The following ACO2 variants were observed in gnomAD, a reference collection of about 807,000 sequenced individuals.
ACO2 encodes the protein aconitase 2.
In ACO2, 31 loss-of-function variants were observed where a neutral mutation model predicts 84.5. That is an observed-to-expected ratio of 0.37 (90% CI 0.28 to 0.50). The LOEUF (loss-of-function observed/expected upper bound fraction) is 0.50. ACO2 is among the 20% of genes least tolerant of loss of function. The probability of loss-of-function intolerance (pLI) is 0.97; values close to 1 mark genes in which losing one functional copy is unlikely to be tolerated. For missense variants in ACO2, 685 were observed against 1,029.3 expected, an observed-to-expected ratio of 0.67 and a Z score of 4.58; for synonymous variants, 414 against 412.7, an observed-to-expected ratio of 1.00 and a Z score of -0.04.
Position 41,524,912 on chromosome 22 carries a change from A to T in ACO2, c.1549A>T (p.Thr517Ser), listed in dbSNP as rs766008410. The T allele has an allele frequency of 2.0e-5, 32 of 1,614,064 alleles. No homozygotes were observed. Among genetic ancestry groups the T allele is most frequent in the Non-Finnish European group, 2.6e-5 (31 of 1,180,038 alleles). The change falls in exon 13 of 18, where the codon ACG (threonine) becomes TCG (serine). Residue 517 changes from threonine (T) to serine (S), a missense_variant. By Grantham distance (58) the Thr-to-Ser change is moderately conservative (BLOSUM62 1). Transcript: ENST00000216254. Reference protein sequence around the residue: ...FNPETDYLTGTDGKKFRLEAP... With the variant: ...FNPETDYLTGSDGKKFRLEAP... The stretch of plus-strand genomic sequence containing the variant: ...CCCAGAGACCGACTACCTGACGGGC[A>T]CGGATGGCAAGAAGTTCAGGCTGGA...
At chr22:41,517,495 C>A in intron 6 of ACO2, 32 bp from the exon 7 acceptor site, 2 of 1,595,388 alleles carry the variant, frequency 1.3e-6, no homozygotes, top group South Asian at 1.1e-5. Context: ...GCCCGGCCAC[C>A]AGCCAATGCC....
chr22:41,508,807 C>T (rs1171117882), intron 3 of ACO2, among the ~76,000 whole-genome samples: 1 of 152,226 alleles, frequency 6.6e-6, no homozygotes, highest in East Asian at 1.9e-4. Context: ...CTCTCCAGCC[C>T]CTGCAGTGGG....
rs2066546724 is a variant in ACO2, at chr22:41,523,722, G to A, written c.1371-108G>A. ...TGGCAGGGCCTCTTCATTTTCCCTC[G>A]GTAGGAGCTAGGCTGGGCTGCGCCA... On this transcript the variant is annotated intron_variant, in intron 11 of 17. Transcript: ENST00000216254. 3.9e-6 allele frequency: 4 copies of A among 1,017,114 alleles called. No individual in the cohort carries two copies. The South Asian group carries it at 4.0e-5, about 10-fold the overall frequency. 63.0% of individuals were successfully genotyped at this position (1,017,114 alleles called of 1,614,324 possible).
chr22:41,520,025 C>A, intron 8 of ACO2, 146 bp from the exon 9 acceptor site: 1 of 670,122 alleles, frequency 1.5e-6, no homozygotes, highest in Non-Finnish European at 2.6e-6. Context: ...GAGCCAACTG[C>A]TCAGTTCTTC....
intron 1 of ACO2, among the ~76,000 whole-genome samples, chr22:41,485,748 G>A (rs896740400): frequency 4.0e-5 from 6 of 151,750 alleles, no homozygotes; most frequent in African/African-American, 9.7e-5. Context: ...CGGCCCGCCC[G>A]GCTAATTTTT....
intron 1 of ACO2, among the ~76,000 whole-genome samples, chr22:41,492,611 T>G (rs1275167104): frequency 1.3e-5 from 2 of 152,098 alleles, no homozygotes; most frequent in African/African-American, 2.4e-5. Flanking sequence ...CCGTCTTTAC[T>G]AAAAATACAA....
chr22:41,500,348 G>A lies in ACO2; in HGVS notation c.173+486G>A, dbSNP rs547601218. On this transcript the variant is annotated intron_variant, in intron 2 of 17. Coordinates refer to ENST00000216254, the MANE Select transcript of ACO2 (RefSeq NM_001098.3). Reference sequence around the variant, plus strand: ...TTTATTTATATATATTTGAGGCAGAGTATATATATATTTATATATATAAAA... The same window carrying A: ...TTTATTTATATATATTTGAGGCAGAATATATATATATTTATATATATAAAA... 2.2e-3 allele frequency among the ~76,000 whole-genome samples: 316 copies of A among 146,508 alleles called. 1 individual carries two copies. The highest frequency in any genetic ancestry group is 3.6e-3 in the Non-Finnish European group (243 of 66,780).
chr22:41,507,687 C>T, intron 2 of ACO2, 104 bp from the exon 3 acceptor site: 1 of 1,482,384 alleles, frequency 6.7e-7, no homozygotes, highest in Non-Finnish European at 9.1e-7. Context: ...GACTCCCTGT[C>T]CCTGGCCACT....
chr22:41,517,481 C>T (rs1208759757), intron 6 of ACO2, 46 bp from the exon 7 acceptor site: 4 of 1,553,150 alleles, frequency 2.6e-6, no homozygotes, highest in Middle Eastern at 3.4e-4. Flanking sequence ...TGTGTGGGAC[C>T]CTGGCCCGGC....
chr22:41,527,404 C>T lies in ACO2; in HGVS notation c.2070C>T (p.Ser690=). 1.2e-6 allele frequency: 2 copies of T among 1,612,350 alleles called. No homozygotes were observed. The highest frequency in any genetic ancestry group is 2.2e-5 in the East Asian group (1 of 44,868). ...HLGGRAIITK[S]FARIHETNLK... ...GGGGCCGGGCCATCATCACCAAGAG[C>T]TTTGCCAGGATCCACGGTGAGCTGG... The change falls in exon 16 of 18, where the codon AGC becomes AGT. Residue 690 remains serine (S), a synonymous_variant. Coordinates refer to ENST00000216254, the MANE Select transcript of ACO2 (RefSeq NM_001098.3).
At chr22:41,469,690 G>T (rs2037918428) in intron 1 of ACO2, among the ~76,000 whole-genome samples, 1 of 152,166 alleles carries the variant, frequency 6.6e-6, no homozygotes, top group Admixed American at 6.5e-5. Context: ...AACGTGGAAT[G>T]TCGGGGAGGG....
intron 1 of ACO2, among the ~76,000 whole-genome samples, chr22:41,494,396 A>G (rs1033512513): frequency 6.6e-6 from 1 of 151,172 alleles, no homozygotes; most frequent in African/African-American, 2.4e-5. Context: ...TTTACCCATA[A>G]GTTGTATTCT....
At chr22:41,516,306 G>T (rs2066475758) in intron 6 of ACO2, among the ~76,000 whole-genome samples, 1 of 152,228 alleles carries the variant, frequency 6.6e-6, no homozygotes, top group Admixed American at 6.5e-5. Flanking sequence ...TCATGAAGCA[G>T]CTGCAGGCCC....
chr22:41,512,790 T>G (rs1046934076), intron 4 of ACO2, among the ~76,000 whole-genome samples: 1 of 152,180 alleles, frequency 6.6e-6, no homozygotes, highest in African/African-American at 2.4e-5. Flanking sequence ...AACGTGTATA[T>G]CCTGGGGAGG....
At position 41,515,836 on chromosome 22, in the gene ACO2, G is replaced by A; in HGVS notation, c.754G>A (p.Ala252Thr). 1 of 1,614,238 alleles carries A rather than the reference G, an allele frequency of 6.2e-7. No individual in the cohort carries two copies. The highest frequency in any genetic ancestry group is 2.2e-5 in the East Asian group (1 of 44,874). ...ACCCAAAGATGTGATCCTGAAGGTG[G>A]CAGGCATCCTCACGGTGAAAGGTGG... Reference protein sequence around the residue: ...SSPKDVILKVAGILTVKGGTG... With the variant: ...SSPKDVILKVTGILTVKGGTG... The change falls in exon 6 of 18, where the codon GCA becomes ACA. Residue 252 changes from alanine (A) to threonine (T), a missense_variant. Around this residue, in one of 5 missense-constraint regions of ACO2, gnomAD observed 311 missense variants for 441.6 expected, o/e 0.70. Transcript: ENST00000216254. This position sits in a 1 kb window ranked among gnomAD's most constrained non-coding sequence, Gnocchi z 5.8.
Position 41,515,682 on chromosome 22 carries a change from G to A in ACO2, c.685-85G>A. 1 of 1,604,666 alleles carries A rather than the reference G, an allele frequency of 6.2e-7. No homozygotes were observed. Among genetic ancestry groups the A allele is most frequent in the Non-Finnish European group, 8.5e-7 (1 of 1,174,434 alleles). On this transcript the variant is annotated intron_variant, in intron 5 of 17. Coordinates refer to ENST00000216254, the MANE Select transcript of ACO2 (RefSeq NM_001098.3). This position sits in a 1 kb window ranked among gnomAD's most constrained non-coding sequence, Gnocchi z 5.8. Reference sequence around the variant, plus strand: ...GAGGTAGAGACCAATAAGCAGCAATGTGAATGGCAGCAGGGCCATCCTGAC... The same window carrying A: ...GAGGTAGAGACCAATAAGCAGCAATATGAATGGCAGCAGGGCCATCCTGAC...
rs2066466940 is a variant in ACO2 at position 41,515,263 on chromosome 22, G to T, written c.526-114G>T. 3.1e-6 allele frequency: 4 copies of T among 1,289,244 alleles called. No homozygotes were observed. The Admixed American group carries it at 5.2e-5, about 17-fold the overall frequency. The allele number at this position is 1,289,244 out of a possible 1,614,324, so 79.9% of individuals were successfully genotyped here. Reference sequence around the variant, plus strand: ...GGATTAAATGGGGCTGCTCCTACCAGTTCCATCCTGGGAGAGTGGCTGGAC... The same window carrying T: ...GGATTAAATGGGGCTGCTCCTACCATTTCCATCCTGGGAGAGTGGCTGGAC... On this transcript the variant is annotated intron_variant, in intron 4 of 17. Transcript: ENST00000216254. The surrounding 1 kb of genome is among the most constrained non-coding windows in gnomAD (Gnocchi z 5.8).
At chr22:41,479,218 G>C (rs1011899400) in intron 1 of ACO2, among the ~76,000 whole-genome samples, 12 of 152,174 alleles carry the variant, frequency 7.9e-5, no homozygotes, top group Non-Finnish European at 1.8e-4. Context: ...TGGATGTAGT[G>C]GTGGTGTGTT....
At chr22:41,523,693 A>G in intron 11 of ACO2, 137 bp from the exon 12 acceptor site, 1 of 765,950 alleles carries the variant, frequency 1.3e-6, no homozygotes, top group Non-Finnish European at 2.2e-6. Context: ...GGAGGAGGCA[A>G]CCCTGGCAGG....
Sources: gnomAD v4.1 joint callset for allele counts (sites outside exome capture counted in the v4.1 genomes callset) on GRCh38, gnomAD v4.1.1 for gene constraint, gnomAD v4.1.1 regional missense constraint, Gnocchi (gnomAD v3.1) non-coding constraint, MANE v1.5 for transcripts, NCBI Gene and HGNC (gene_info 2026-07-23, HGNC 2026-07-21) for gene names.